The following PHACTR2 variants were observed in gnomAD, a reference collection of about 807,000 sequenced individuals.
The protein encoded by PHACTR2 is chromosome 6 open reading frame 56.
PHACTR2 carries 30 observed loss-of-function variants against 76.0 expected under a neutral mutation model. The observed-to-expected ratio is 0.39, with a 90% CI of 0.30 to 0.54. PHACTR2 has a LOEUF of 0.54. Ranked by LOEUF, PHACTR2 falls within the 20% of genes least tolerant of loss-of-function variation. The pLI, the probability that PHACTR2 is intolerant of heterozygous loss-of-function variation, is 0.61. For synonymous variants in PHACTR2, 292 were observed against 292.5 expected, an observed-to-expected ratio of 1.00 and a Z score of 0.02; for missense variants, 696 against 781.1, an observed-to-expected ratio of 0.89 and a Z score of 1.30.
In PHACTR2 at chr6:143,738,861, C is replaced by T. The variant is rs1357113048; in HGVS notation, c.215-10124C>T. ...TTTCTTTTCTATCTAATCTTGCTTG[C>T]TGTTGACTGATGAAATGAGATATTA... On this transcript the variant is annotated intron_variant, in intron 2 of 12. Coordinates refer to ENST00000440869, the MANE Select transcript of PHACTR2 (RefSeq NM_001100164.2). This position sits in a 1 kb window ranked among gnomAD's most constrained non-coding sequence, Gnocchi z 4.0. Among the ~76,000 whole-genome samples the T allele has an allele frequency of 6.6e-6, 1 of 152,110 alleles. No individual in the cohort carries two copies. The highest frequency in any genetic ancestry group is 2.4e-5 in the African/African-American group (1 of 41,396).
In PHACTR2 at chr6:143,755,854, G is replaced by T. The variant is rs1389344746; in HGVS notation, c.454+1942G>T. On this transcript the variant is annotated intron_variant, in intron 4 of 12. Coordinates refer to ENST00000440869, the MANE Select transcript of PHACTR2 (RefSeq NM_001100164.2). The surrounding 1 kb of genome is among the most constrained non-coding windows in gnomAD (Gnocchi z 5.2). ...AATTAGAAAATGCCTTATGACAAAG[G>T]TAACAATTTATTTCTCTAGAAAAAC... is the stretch of plus-strand genomic sequence containing the variant. Among the ~76,000 whole-genome samples the T allele has an allele frequency of 2.6e-5, 4 of 152,102 alleles. No individual in the cohort carries two copies. Among genetic ancestry groups the T allele is most frequent in the African/African-American group, 9.7e-5 (4 of 41,414 alleles).
rs1229123339 is a variant in PHACTR2 at position 143,761,754 on chromosome 6, A to C, written c.694+1114A>C. Among the ~76,000 whole-genome samples, 1 of 147,086 alleles carries C rather than the reference A, an allele frequency of 6.8e-6. No homozygotes were observed. The highest frequency in any genetic ancestry group is 1.5e-5 in the Non-Finnish European group (1 of 66,466). On this transcript the variant is annotated intron_variant, in intron 5 of 12. Coordinates refer to ENST00000440869, the MANE Select transcript of PHACTR2 (RefSeq NM_001100164.2). This position sits in a 1 kb window ranked among gnomAD's most constrained non-coding sequence, Gnocchi z 5.2. Reference sequence around the variant, plus strand: ...GGGCGACAGAATGAGACTCCATCTCAAAAAAAAAAAATCTATTTTCCTTAA... The same window carrying C: ...GGGCGACAGAATGAGACTCCATCTCCAAAAAAAAAAATCTATTTTCCTTAA...
rs924282552 is a variant in PHACTR2 at position 143,795,353 on chromosome 6, G to A, written c.1845+6443G>A. On this transcript the variant is annotated intron_variant, in intron 11 of 12. Transcript: ENST00000440869. This position sits in a 1 kb window ranked among gnomAD's most constrained non-coding sequence, Gnocchi z 4.8. ...CCCTTGAGTCTGGGAGTTCAAGACT[G>A]CAATGAGCTGTGATTGTGCCACTGC... Among the ~76,000 whole-genome samples, 13 of 152,212 alleles carry A rather than the reference G, an allele frequency of 8.5e-5. No homozygotes were observed. The highest frequency in any genetic ancestry group is 2.9e-5 in the Non-Finnish European group (2 of 68,036).
In PHACTR2 at chr6:143,775,759, C is replaced by T. The variant is rs62427426; in HGVS notation, c.1589+1544C>T. 0.061 allele frequency among the ~76,000 whole-genome samples: 9,285 copies of T among 152,172 alleles called. 329 individuals are homozygous for T. The highest frequency in any genetic ancestry group is 0.075 in the Non-Finnish European group (5,089 of 67,994). On this transcript the variant is annotated intron_variant, in intron 8 of 12. Transcript: ENST00000440869. This position sits in a 1 kb window ranked among gnomAD's most constrained non-coding sequence, Gnocchi z 4.4. ...TTGCATAAAATAATAATAGTGTTAT[C>T]ATAGTAAGGAGTAAAAAAGTGTGAA...
In PHACTR2 at chr6:143,580,259, G is replaced by T. The variant is rs963780019; in HGVS notation, c.217+43052G>T. 6.6e-6 allele frequency among the ~76,000 whole-genome samples: 1 copy of T among 152,196 alleles called. No individual in the cohort carries two copies. Among genetic ancestry groups the T allele is most frequent in the African/African-American group, 2.4e-5 (1 of 41,452 alleles). On this transcript the variant is annotated intron_variant, in intron 1 of 11. Transcript: ENST00000367584. This position sits in a 1 kb window ranked among gnomAD's most constrained non-coding sequence, Gnocchi z 4.2. ...CCAGCACTTTGGGAGGCCAAGGCAGGCAGATCACGAGGTCAGGAAATCGAG... is the reference window on the plus strand; with the variant it reads ...CCAGCACTTTGGGAGGCCAAGGCAGTCAGATCACGAGGTCAGGAAATCGAG...
In PHACTR2 at chr6:143,806,848, T is replaced by C. The variant is rs756562274; in HGVS notation, c.1846-209T>C. ...GGCGCACACCTGTAATCCGAGCTAC[T>C]GGGAATGCTGAGTTGGGAGGATCAC... On this transcript the variant is annotated intron_variant, in intron 11 of 12. Coordinates refer to ENST00000440869, the MANE Select transcript of PHACTR2 (RefSeq NM_001100164.2). The surrounding 1 kb of genome is among the most constrained non-coding windows in gnomAD (Gnocchi z 5.8). Among the ~76,000 whole-genome samples, 1 of 151,792 alleles carries C rather than the reference T, an allele frequency of 6.6e-6. No individual in the cohort carries two copies. Among genetic ancestry groups the C allele is most frequent in the Non-Finnish European group, 1.5e-5 (1 of 67,972 alleles).
chr6:143,792,037 GC>G (rs1329171350), intron 11 of PHACTR2, among the ~76,000 whole-genome samples: 2 of 152,098 alleles, frequency 1.3e-5, no homozygotes, highest in Non-Finnish European at 1.5e-5. Flanking sequence ...CTGAGGGTAT[GC>G]CATTTGGTCC....
chr6:143,588,534 G>C (rs960593720), intron 1 of PHACTR2, among the ~76,000 whole-genome samples: 1 of 152,164 alleles, frequency 6.6e-6, no homozygotes, highest in Non-Finnish European at 1.5e-5. Flanking sequence ...TTGAAAACCA[G>C]ATGTCCCAAA....
chr6:143,768,904 G>C (rs545918705), intron 6 of PHACTR2, among the ~76,000 whole-genome samples: 25 of 152,292 alleles, frequency 1.6e-4, no homozygotes, highest in African/African-American at 5.8e-4. Flanking sequence ...GTTTGTGTTT[G>C]CTCTTGAATT....
At position 143,818,077 on chromosome 6, in the gene PHACTR2, A is replaced by G. The variant is rs1776339984; in HGVS notation, c.1923-5597A>G. Among the ~76,000 whole-genome samples, 1 of 152,234 alleles carries G rather than the reference A, an allele frequency of 6.6e-6. No homozygotes were observed. Among genetic ancestry groups the G allele is most frequent in the Admixed American group, 6.5e-5 (1 of 15,286 alleles). Reference sequence around the variant, plus strand: ...TCATTACACATTTTATGCCATCAAAATATCACTCTGTACCCCATAAATATG... The same window carrying G: ...TCATTACACATTTTATGCCATCAAAGTATCACTCTGTACCCCATAAATATG... On this transcript the variant is annotated intron_variant, in intron 12 of 12. Transcript: ENST00000440869. This position sits in a 1 kb window ranked among gnomAD's most constrained non-coding sequence, Gnocchi z 4.9.
chr6:143,650,998 A>G (rs894127531), intron 1 of PHACTR2, among the ~76,000 whole-genome samples: 1 of 152,166 alleles, frequency 6.6e-6, no homozygotes, highest in East Asian at 1.9e-4. Flanking sequence ...ACCAAAAAAA[A>G]CAAACAACCC....
chr6:143,652,170 G>T lies in PHACTR2; in HGVS notation c.13+43848G>T, dbSNP rs973676032. Among the ~76,000 whole-genome samples, 1 of 151,676 alleles carries T rather than the reference G, an allele frequency of 6.6e-6. No homozygotes were observed. The stretch of plus-strand genomic sequence containing the variant: ...TACTAGGTACAACCACAAGATATTT[G>T]GTCAAAAAGGATTGAAAGCCACTAC... On this transcript the variant is annotated intron_variant, in intron 1 of 11. Transcript: ENST00000305766. This position sits in a 1 kb window ranked among gnomAD's most constrained non-coding sequence, Gnocchi z 4.5.
intron 2 of PHACTR2, among the ~76,000 whole-genome samples, chr6:143,724,878 A>G (rs762635896): frequency 3.6e-4 from 55 of 152,190 alleles, no homozygotes; most frequent in Non-Finnish European, 6.2e-4. Flanking sequence ...TGGAAAATGT[A>G]TGTATTCATT....
rs17072890 is a variant in PHACTR2, at chr6:143,696,983, T to C, written c.47-15033T>C. 0.027 allele frequency among the ~76,000 whole-genome samples: 4,043 copies of C among 152,280 alleles called. 71 individuals carry two copies. Among genetic ancestry groups the C allele is most frequent in the South Asian group, 0.055 (265 of 4,828 alleles). ...ATTCCTCGTCATTGAACATGTTACA[T>C]TGTAGAGTCAGATGTTTGCCACCAC... is the stretch of plus-strand genomic sequence containing the variant. On this transcript the variant is annotated intron_variant, in intron 1 of 12. Coordinates refer to ENST00000440869, the MANE Select transcript of PHACTR2 (RefSeq NM_001100164.2). The surrounding 1 kb of genome is among the most constrained non-coding windows in gnomAD (Gnocchi z 4.1).
At chr6:143,567,120 C>T (rs1209344169) in intron 1 of PHACTR2, among the ~76,000 whole-genome samples, 1 of 152,136 alleles carries the variant, frequency 6.6e-6, no homozygotes, top group African/African-American at 2.4e-5. Context: ...CCTCTCTTGT[C>T]ACTGTAACAC....
At position 143,757,739 on chromosome 6, in the gene PHACTR2, A is replaced by G. The variant is rs1000178457; in HGVS notation, c.455-2662A>G. 6.6e-6 allele frequency among the ~76,000 whole-genome samples: 1 copy of G among 152,228 alleles called. No individual in the cohort carries two copies. Among genetic ancestry groups the G allele is most frequent in the South Asian group, 2.1e-4 (1 of 4,832 alleles). On this transcript the variant is annotated intron_variant, in intron 4 of 12. Transcript: ENST00000440869. This position sits in a 1 kb window ranked among gnomAD's most constrained non-coding sequence, Gnocchi z 4.2. The stretch of plus-strand genomic sequence containing the variant: ...GTAAGTGTAAAATATACAACTTGAC[A>G]TAATTCATTACCTCCCAGCTCCAAC...
intron 2 of PHACTR2, among the ~76,000 whole-genome samples, chr6:143,716,623 G>A (rs1203489826): frequency 2.0e-5 from 3 of 152,214 alleles, no homozygotes; most frequent in Non-Finnish European, 2.9e-5. Context: ...ACAGGCGTGA[G>A]CCACCTCACT....
At position 143,608,766 on chromosome 6, in the gene PHACTR2, C is replaced by T. The variant is rs944194086; in HGVS notation, c.13+444C>T. Among the ~76,000 whole-genome samples the T allele has an allele frequency of 2.6e-5, 4 of 152,174 alleles. No individual in the cohort carries two copies. The highest frequency in any genetic ancestry group is 9.7e-5 in the African/African-American group (4 of 41,444). ...GAGCTCTTTGGTCTGATGCTTTCAT[C>T]TTCACGTTAGGATGCAATGTCGAAA... is the stretch of plus-strand genomic sequence containing the variant. On this transcript the variant is annotated intron_variant, in intron 1 of 11. Transcript: ENST00000305766. The surrounding 1 kb of genome is among the most constrained non-coding windows in gnomAD (Gnocchi z 4.6).
Position 143,695,922 on chromosome 6 carries a change from A to T in PHACTR2, c.47-16094A>T, listed in dbSNP as rs1271882995. ...AAAACCAAAAGGAACAACAATTTGT[A>T]TCTGACTAAATAGCGCCTAATCAGT... On this transcript the variant is annotated intron_variant, in intron 1 of 12. Coordinates refer to ENST00000440869, the MANE Select transcript of PHACTR2 (RefSeq NM_001100164.2). The surrounding 1 kb of genome is among the most constrained non-coding windows in gnomAD (Gnocchi z 4.4). Among the ~76,000 whole-genome samples the T allele has an allele frequency of 6.6e-6, 1 of 152,266 alleles. No homozygotes were observed. The highest frequency in any genetic ancestry group is 2.4e-5 in the African/African-American group (1 of 41,472).
Sources: gnomAD v4.1 joint callset for allele counts (sites outside exome capture counted in the v4.1 genomes callset) on GRCh38, gnomAD v4.1.1 for gene constraint, Gnocchi (gnomAD v3.1) non-coding constraint, MANE v1.5 for transcripts, NCBI Gene and HGNC (gene_info 2026-07-23, HGNC 2026-07-21) for gene names.